The following ANTXR2 variants were observed in gnomAD, a reference collection of about 807,000 sequenced individuals.
The protein encoded by ANTXR2 is anthrax toxin receptor 2.
ANTXR2 carries 44 observed loss-of-function variants against 73.7 expected under a neutral mutation model. That is an observed-to-expected ratio of 0.60 (90% CI 0.47 to 0.77). The LOEUF (loss-of-function observed/expected upper bound fraction) is 0.77. Among genes scored for constraint, ANTXR2 ranks in the 30% least tolerant of loss-of-function variants. The pLI is 0.00. For missense variants in ANTXR2, 604 were observed against 592.5 expected (o/e 1.02, Z -0.20); for synonymous variants, 217 against 205.9 (o/e 1.05, Z -0.46).
chr4:79,949,609 G>GT (rs1436408519), intron 16 of ANTXR2, among the ~76,000 whole-genome samples: 3 of 152,148 alleles, frequency 2.0e-5, no homozygotes, highest in Non-Finnish European at 4.4e-5. Flanking sequence ...TAACTCCAAT[G>GT]TAAGTGAAGC....
intron 7 of ANTXR2, among the ~76,000 whole-genome samples, chr4:80,044,270 C>T (rs1733413519): frequency 6.6e-6 from 1 of 151,908 alleles, no homozygotes; most frequent in Non-Finnish European, 1.5e-5. Flanking sequence ...TTAGAGGTTT[C>T]ATGATACATG....
chr4:79,973,059 T>C lies in ANTXR2; in HGVS notation c.1428+4562A>G, dbSNP rs986341944. Among the ~76,000 whole-genome samples the C allele has an allele frequency of 2.7e-5, 4 of 149,334 alleles. No homozygotes were observed. The East Asian group carries it at 5.9e-4, about 22-fold the overall frequency. ...AAAGTGAAAGCATAGTGGAAATAAA[T>C]GCATTTAAGAAGAAACAAAGATAAA... is the stretch of plus-strand genomic sequence containing the variant. On this transcript the variant is annotated intron_variant, in intron 16 of 16. Coordinates refer to ENST00000403729, the MANE Select transcript of ANTXR2 (RefSeq NM_058172.6).
At chr4:79,964,437 A>ATC (rs1729268936) in intron 16 of ANTXR2, among the ~76,000 whole-genome samples, 1 of 152,206 alleles carries the variant, frequency 6.6e-6, no homozygotes, top group East Asian at 1.9e-4. Flanking sequence ...GAGGCCTTTC[A>ATC]AAAGAGTCCA....
In ANTXR2 at chr4:79,997,859, T is replaced by G. The variant is rs185190362; in HGVS notation, c.1041+10662A>C. Among the ~76,000 whole-genome samples the G allele has an allele frequency of 9.3e-4, 142 of 152,108 alleles. No homozygotes were observed. In the Middle Eastern group the frequency reaches 0.01, roughly 11 times the overall value. ...GAGTTTGATACTGTCTCGTAAAAGATGCTCTGTCGGAAAGCATCACCATGA... is the reference window on the plus strand; with the variant it reads ...GAGTTTGATACTGTCTCGTAAAAGAGGCTCTGTCGGAAAGCATCACCATGA... On this transcript the variant is annotated intron_variant, in intron 12 of 16. Transcript: ENST00000403729.
chr4:80,037,099 G>A (rs10033356), intron 7 of ANTXR2, among the ~76,000 whole-genome samples: 56,998 of 151,996 alleles, frequency 0.37, 12,421 homozygotes, highest in Non-Finnish European at 0.47. Context: ...TGCTCCTCAT[G>A]GACAACAATC....
rs773818652 is a variant in ANTXR2 at position 80,055,978 on chromosome 4, C to T, written c.332G>A (p.Arg111His). The T allele has an allele frequency of 2.5e-5, 40 of 1,569,962 alleles. No homozygotes were observed. Among genetic ancestry groups the T allele is most frequent in the Admixed American group, 7.5e-5 (4 of 53,214 alleles). ...ATATGTCTCTCCTACTGGACTAACA[C>T]GTTTTAAATCCTCCAAGCCTTTACT... is the stretch of plus-strand genomic sequence containing the variant. ...KISKGLEDLK[R>H]VSPVGETYIH... The change falls in exon 4 of 17, where the codon CGT becomes CAT. Residue 111 changes from arginine to histidine, a missense_variant. By Grantham distance (29) the Arg-to-His change is conservative. Coordinates refer to ENST00000403729, the MANE Select transcript of ANTXR2 (RefSeq NM_058172.6).
intron 3 of ANTXR2, among the ~76,000 whole-genome samples, chr4:80,059,129 C>G (rs960545267): frequency 6.6e-6 from 1 of 151,976 alleles, no homozygotes; most frequent in East Asian, 1.9e-4. Flanking sequence ...TAGCACTCTT[C>G]TTTTTATATT....
chr4:79,987,448 GAA>G, intron 12 of ANTXR2, among the ~76,000 whole-genome samples: 1 of 152,042 alleles, frequency 6.6e-6, no homozygotes, highest in South Asian at 2.1e-4. Flanking sequence ...TTTTAAAAAT[GAA>G]AAAACAAACC....
rs766915835 is a variant in ANTXR2, at chr4:80,033,473, C to G, written c.795G>C (p.Thr265=). The change falls in exon 9 of 17, where the codon ACG becomes ACC. Residue 265 remains threonine, a splice_region_variant and synonymous_variant. Transcript: ENST00000403729. The part of the protein sequence containing the change: ...CTYTVNETYT[T]SVKPVSVQLN... Reference sequence around the variant, plus strand: ...ACACTGAGATTACTGGGGACCTACTCGTTGTATATGTTTCATTTACAGTGT... The same window carrying G: ...ACACTGAGATTACTGGGGACCTACTGGTTGTATATGTTTCATTTACAGTGT... The G allele has an allele frequency of 6.3e-7, 1 of 1,594,862 alleles. No individual in the cohort carries two copies. Among genetic ancestry groups the G allele is most frequent in the Admixed American group, 1.8e-5 (1 of 56,748 alleles).
chr4:80,052,268 A>AATAGAT (rs1472375711), intron 7 of ANTXR2, among the ~76,000 whole-genome samples: 1 of 151,688 alleles, frequency 6.6e-6, no homozygotes, highest in African/African-American at 2.4e-5. Context: ...TTAAAGATCT[A>AATAGAT]ATAGATATTT....
chr4:80,042,784 T>C (rs781174209), intron 7 of ANTXR2, among the ~76,000 whole-genome samples: 1 of 152,004 alleles, frequency 6.6e-6, no homozygotes, highest in Non-Finnish European at 1.5e-5. Context: ...AAATCTAAAA[T>C]GGGATCCCAA....
intron 3 of ANTXR2, among the ~76,000 whole-genome samples, chr4:80,063,433 A>AT (rs11321139): frequency 1.5e-4 from 23 of 151,416 alleles, no homozygotes; most frequent in Middle Eastern, 3.2e-3. Context: ...TAATTTCAGC[A>AT]TTTTTTTTTA....
intron 16 of ANTXR2, among the ~76,000 whole-genome samples, chr4:79,961,167 T>C (rs2109994595): frequency 6.6e-6 from 1 of 152,146 alleles, no homozygotes; most frequent in Non-Finnish European, 1.5e-5. Context: ...ATTTAACACA[T>C]GTAGAATAAT....
intron 7 of ANTXR2, among the ~76,000 whole-genome samples, chr4:80,053,249 C>T (rs973481775): frequency 2.0e-5 from 3 of 151,608 alleles, no homozygotes; most frequent in Non-Finnish European, 4.4e-5. Context: ...TTCCCTAAAA[C>T]CTAAACACAA....
chr4:80,028,981 G>A (rs1010450873), intron 10 of ANTXR2, among the ~76,000 whole-genome samples: 15 of 152,206 alleles, frequency 9.9e-5, no homozygotes, highest in Admixed American at 8.5e-4. Flanking sequence ...ATCCAGGAAA[G>A]GAAGACAAAA....
chr4:80,004,271 T>C (rs1453215964), intron 12 of ANTXR2, among the ~76,000 whole-genome samples: 1 of 152,070 alleles, frequency 6.6e-6, no homozygotes, highest in Non-Finnish European at 1.5e-5. Context: ...TCTTTTCTTT[T>C]TTGTAATGAG....
At chr4:80,021,954 A>T (rs996067540) in intron 10 of ANTXR2, among the ~76,000 whole-genome samples, 4 of 152,202 alleles carry the variant, frequency 2.6e-5, no homozygotes, top group African/African-American at 9.7e-5. Context: ...AGAACCAGAC[A>T]CATTAATTCA....
intron 3 of ANTXR2, among the ~76,000 whole-genome samples, chr4:80,067,207 CAA>C (rs75413405): frequency 4.2e-4 from 56 of 132,188 alleles, no homozygotes; most frequent in Admixed American, 3.9e-4. Flanking sequence ...CTCTGTCTCA[CAA>C]AAAAAAAAAA....
At chr4:79,933,544 T>C (rs1453911580) in intron 16 of ANTXR2, among the ~76,000 whole-genome samples, 1 of 151,796 alleles carries the variant, frequency 6.6e-6, no homozygotes, top group African/African-American at 2.4e-5. Flanking sequence ...TTTGTTTTGT[T>C]TTATTTTATT....
Sources: gnomAD v4.1 joint callset for allele counts (sites outside exome capture counted in the v4.1 genomes callset) on GRCh38, gnomAD v4.1.1 for gene constraint, MANE v1.5 for transcripts, NCBI Gene and HGNC (gene_info 2026-07-23, HGNC 2026-07-21) for gene names.